Variants in PRXL2A observed in about 807,000 individuals in gnomAD.
The protein encoded by PRXL2A is peroxiredoxin like 2A.
PRXL2A carries 26 observed loss-of-function variants against 25.6 expected under a neutral mutation model. The observed-to-expected ratio is 1.02, with a 90% CI of 0.74 to 1.41. The LOEUF (loss-of-function observed/expected upper bound fraction) is 1.41. Ranked by LOEUF, PRXL2A falls within the 40% of genes most tolerant of loss-of-function variation. PRXL2A has a pLI of 0.00. For synonymous variants in PRXL2A, 98 were observed against 102.9 expected, an observed-to-expected ratio of 0.95 and a Z score of 0.29; for missense variants, 246 against 273.9, an observed-to-expected ratio of 0.90 and a Z score of 0.72.
chr10:80,426,345 A>G (rs1190772470), intron 4 of PRXL2A, among the ~76,000 whole-genome samples: 1 of 152,360 alleles, frequency 6.6e-6, no homozygotes, highest in Middle Eastern at 3.4e-3. Flanking sequence ...AATAGACTAC[A>G]TAAGTTATTC....
chr10:80,429,789 A>G (rs1157138036), intron 5 of PRXL2A, among the ~76,000 whole-genome samples: 2 of 149,028 alleles, frequency 1.3e-5, no homozygotes, highest in Non-Finnish European at 3.0e-5. Context: ...TCCTCTTCCC[A>G]CTCTGACAAC....
At chr10:80,423,129 TC>T (rs1250616361) in intron 3 of PRXL2A, among the ~76,000 whole-genome samples, 5 of 152,220 alleles carry the variant, frequency 3.3e-5, no homozygotes, top group African/African-American at 1.2e-4. Flanking sequence ...AAGTTGGAGC[TC>T]ACTGACTGGG....
intron 5 of PRXL2A, 128 bp downstream of exon 5, chr10:80,427,624 A>G: frequency 1.2e-6 from 1 of 867,510 alleles, no homozygotes; most frequent in Admixed American, 2.7e-5. Flanking sequence ...CTAGCAAGCC[A>G]GGGAACATGA....
chr10:80,410,778 C>G (rs1844454789), intron 1 of PRXL2A, among the ~76,000 whole-genome samples: 1 of 152,172 alleles, frequency 6.6e-6, no homozygotes, highest in African/African-American at 2.4e-5. Context: ...CCTATCCACA[C>G]CCATATAACT....
At chr10:80,412,172 CAT>C (rs1325283046) in intron 1 of PRXL2A, among the ~76,000 whole-genome samples, 1 of 152,100 alleles carries the variant, frequency 6.6e-6, no homozygotes, top group Non-Finnish European at 1.5e-5. Context: ...AAGACAACCT[CAT>C]AGAATTTTGA....
At chr10:80,421,468 G>A (rs1462174613) in intron 2 of PRXL2A, among the ~76,000 whole-genome samples, 3 of 152,290 alleles carry the variant, frequency 2.0e-5, no homozygotes, top group South Asian at 2.1e-4. Context: ...GGAAGTCATC[G>A]TCATCTGTTT....
At chr10:80,424,892 A>T (rs150156250) in intron 3 of PRXL2A, among the ~76,000 whole-genome samples, 17 of 152,312 alleles carry the variant, frequency 1.1e-4, no homozygotes, top group African/African-American at 4.1e-4. Flanking sequence ...AAGACCTTTC[A>T]TATCACAAAA....
intron 1 of PRXL2A, among the ~76,000 whole-genome samples, chr10:80,412,238 T>TAA (rs1317425184): frequency 6.6e-6 from 1 of 152,146 alleles, no homozygotes; most frequent in Non-Finnish European, 1.5e-5. Context: ...CTTCATACCT[T>TAA]AAGTCAGATT....
At chr10:80,413,905 G>A (rs768855434) in intron 1 of PRXL2A, 122 of 1,220,118 alleles carry the variant, frequency 1.0e-4, no homozygotes, top group Non-Finnish European at 1.2e-4. Context: ...AGTTTGAAGC[G>A]TCTGAGGTTG....
At chr10:80,426,614 G>C (rs1264217055) in intron 4 of PRXL2A, among the ~76,000 whole-genome samples, 1 of 152,180 alleles carries the variant, frequency 6.6e-6, no homozygotes, top group African/African-American at 2.4e-5. Flanking sequence ...ACTCCAACAG[G>C]TTCCTCCACT....
chr10:80,435,960 G>T lies in PRXL2A; in HGVS notation c.*3861G>T, dbSNP rs1413278083. The T allele has an allele frequency of 6.6e-6, 1 of 152,064 alleles. No homozygotes were observed. Among genetic ancestry groups the T allele is most frequent in the Non-Finnish European group, 1.5e-5 (1 of 68,010 alleles). The allele number at this position is 152,064 out of a possible 1,614,324, so 9.4% of individuals were successfully genotyped here. ...ACTGAGAATCCACATGCAAAGAAATGCAAGAAAATTCAAAGAACGTAAGAA... is the reference window on the plus strand; with the variant it reads ...ACTGAGAATCCACATGCAAAGAAATTCAAGAAAATTCAAAGAACGTAAGAA... On this transcript the variant is annotated 3_prime_UTR_variant, in exon 6 of 6. Transcript: ENST00000606162.
At position 80,427,460 on chromosome 10, in the gene PRXL2A, C is replaced by T. The variant is rs200965735; in HGVS notation, c.540C>T (p.Ile180=). The T allele has an allele frequency of 3.8e-5, 62 of 1,614,052 alleles. No individual in the cohort carries two copies. The Admixed American group carries it at 1.0e-3, about 27-fold the overall frequency. The change falls in exon 5 of 6, where the codon ATC becomes ATT. Residue 180 remains isoleucine (I), a synonymous_variant. Transcript: ENST00000606162. ...GAAACCTGGAAGGAGAAGGCTTCAT[C>T]CTTGGGGGAGTTTTCGTGGTGGGAT... ...FSGNLEGEGF[I]LGGVFVVGSG...
chr10:80,415,346 C>T (rs2131882432), intron 1 of PRXL2A, among the ~76,000 whole-genome samples: 1 of 152,330 alleles, frequency 6.6e-6, no homozygotes, highest in South Asian at 2.1e-4. Context: ...GTACCCAGCC[C>T]TTGAACTTGA....
chr10:80,410,149 C>G (rs1414187071), intron 1 of PRXL2A, among the ~76,000 whole-genome samples: 1 of 152,270 alleles, frequency 6.6e-6, no homozygotes, highest in Non-Finnish European at 1.5e-5. Context: ...AATAGGGCAG[C>G]TGTCCTGCCA....
chr10:80,413,808 C>T (rs961669667), intron 1 of PRXL2A: 11 of 1,092,472 alleles, frequency 1.0e-5, no homozygotes, highest in Non-Finnish European at 1.1e-5. Flanking sequence ...GCCGCCTGCC[C>T]AGGCCCGTCT....
Position 80,422,663 on chromosome 10 carries a change from C to G in PRXL2A, c.270+155C>G, listed in dbSNP as rs3824726. Among the ~76,000 whole-genome samples the G allele has an allele frequency of 4.9e-5, 7 of 142,362 alleles. No homozygotes were observed. The East Asian group carries it at 1.4e-3, about 29-fold the overall frequency. 93.4% of individuals were successfully genotyped at this position (142,362 alleles called of 152,430 possible). On this transcript the variant is annotated intron_variant, in intron 3 of 5. Transcript: ENST00000606162. ...TCTAGGTATTTCTTTGATTTGTGCTCTTTTTTTTTTTTTTTTAAACAACTC... is the reference window on the plus strand; with the variant it reads ...TCTAGGTATTTCTTTGATTTGTGCTGTTTTTTTTTTTTTTTTAAACAACTC...
At chr10:80,429,554 CTA>C (rs1845166459) in intron 5 of PRXL2A, among the ~76,000 whole-genome samples, 12 of 144,998 alleles carry the variant, frequency 8.3e-5, no homozygotes, top group South Asian at 2.3e-4. Context: ...CGCCCCGCCC[CTA>C]GCCTCTCCTG....
rs564955237 is a variant in PRXL2A at position 80,417,735 on chromosome 10, T to A, written c.-2-2731T>A. On this transcript the variant is annotated intron_variant, in intron 1 of 5. Transcript: ENST00000606162. ...CCCCCGTTACCTGGAACTTCTTTTCTTCTTCTTCATCTTTTTTTTTTTGTT... is the reference window on the plus strand; with the variant it reads ...CCCCCGTTACCTGGAACTTCTTTTCATCTTCTTCATCTTTTTTTTTTTGTT... 9.8e-4 allele frequency among the ~76,000 whole-genome samples: 144 copies of A among 147,640 alleles called. 1 individual carries two copies. The highest frequency in any genetic ancestry group is 3.5e-3 in the African/African-American group (139 of 39,818).
At chr10:80,422,603 A>C (rs1227128501) in intron 3 of PRXL2A, 95 bp downstream of exon 3, 2 of 859,704 alleles carry the variant, frequency 2.3e-6, no homozygotes, top group Non-Finnish European at 3.7e-6. Flanking sequence ...AGCCAGCTTT[A>C]GCCTTTTACC....
Sources: gnomAD v4.1 joint callset for allele counts (sites outside exome capture counted in the v4.1 genomes callset) on GRCh38, gnomAD v4.1.1 for gene constraint, MANE v1.5 for transcripts, NCBI Gene and HGNC (gene_info 2026-07-23, HGNC 2026-07-21) for gene names.